JMJD1C: variants seen among roughly 807,000 people sequenced by gnomAD.
The protein encoded by JMJD1C is jumonji domain-containing protein 1C.
A neutral mutation model predicts 245.3 loss-of-function variants in JMJD1C; 31 were observed. The ratio of observed to expected loss-of-function variants is 0.13; its 90% confidence interval spans 0.09 to 0.17. The LOEUF is 0.17. JMJD1C is among the 10% of genes least tolerant of loss of function. JMJD1C has a pLI of 1.00. For missense variants in JMJD1C, 2,691 were observed against 3,000.2 expected (o/e 0.90, Z 2.41); for synonymous variants, 1,057 against 1,017.4 (o/e 1.04, Z -0.74).
chr10:63,507,435 G>C (rs1032784172), intron 1 of JMJD1C, among the ~76,000 whole-genome samples: 5 of 151,996 alleles, frequency 3.3e-5, no homozygotes, highest in African/African-American at 4.8e-5. Context: ...CCGGAAGTCA[G>C]GAGATCGAGA....
intron 3 of JMJD1C, chr10:63,222,407 G>A: frequency 1.0e-6 from 1 of 957,522 alleles, no homozygotes; most frequent in Non-Finnish European, 1.7e-6. Context: ...TGGTAAATTT[G>A]AAAAGAATAA....
chr10:63,196,955 C>T (rs987690185), intron 13 of JMJD1C, among the ~76,000 whole-genome samples: 2 of 151,890 alleles, frequency 1.3e-5, no homozygotes, highest in Non-Finnish European at 2.9e-5. Context: ...CACCACCATG[C>T]GCAGCTCATT....
chr10:63,396,008 C>A (rs976690246), intron 1 of JMJD1C, among the ~76,000 whole-genome samples: 6 of 151,884 alleles, frequency 4.0e-5, no homozygotes, highest in African/African-American at 1.4e-4. Context: ...TCTTAATCGT[C>A]GAAATGGTTA....
At chr10:63,331,747 G>C (rs889799750) in intron 2 of JMJD1C, among the ~76,000 whole-genome samples, 2 of 152,046 alleles carry the variant, frequency 1.3e-5, no homozygotes, top group African/African-American at 4.8e-5. Flanking sequence ...CAAGAAGCTG[G>C]GACCACACCA....
intron 1 of JMJD1C, among the ~76,000 whole-genome samples, chr10:63,505,804 G>A (rs192451915): frequency 1.3e-5 from 2 of 148,866 alleles, no homozygotes; most frequent in Non-Finnish European, 3.0e-5. Context: ...ATACTAGATA[G>A]CCCTCCTCCC....
intron 1 of JMJD1C, among the ~76,000 whole-genome samples, chr10:63,401,215 T>C (rs1404721139): frequency 1.3e-5 from 2 of 152,198 alleles, no homozygotes; most frequent in Non-Finnish European, 2.9e-5. Context: ...CTCTATTCTT[T>C]TCTATTATAA....
chr10:63,323,423 G>A (rs1364977933), intron 2 of JMJD1C, among the ~76,000 whole-genome samples: 2 of 98,788 alleles, frequency 2.0e-5, no homozygotes, highest in African/African-American at 5.5e-5. Context: ...GGGAGGGTGA[G>A]GCAGAAGAAT....
At chr10:63,494,311 C>CAA (rs1040052739) in intron 1 of JMJD1C, among the ~76,000 whole-genome samples, 1 of 112,334 alleles carries the variant, frequency 8.9e-6, no homozygotes, top group Non-Finnish European at 1.9e-5. Flanking sequence ...AACTCCGTCT[C>CAA]AAAAAAAAAA....
At chr10:63,500,407 G>GGTGA (rs763742376) in intron 1 of JMJD1C, among the ~76,000 whole-genome samples, 5 of 150,576 alleles carry the variant, frequency 3.3e-5, no homozygotes, top group Non-Finnish European at 7.4e-5. Context: ...TGGGCAACAG[G>GGTGA]GTGAGACCCT....
intron 2 of JMJD1C, among the ~76,000 whole-genome samples, chr10:63,331,996 A>T (rs1456987418): frequency 6.6e-6 from 1 of 152,236 alleles, no homozygotes; most frequent in Non-Finnish European, 1.5e-5. Context: ...CTACATGCTC[A>T]GAAAGTAACT....
chr10:63,285,212 T>C (rs543589943), intron 2 of JMJD1C, among the ~76,000 whole-genome samples: 1 of 152,238 alleles, frequency 6.6e-6, no homozygotes, highest in Admixed American at 6.5e-5. Context: ...AGAAAAAGCA[T>C]TAATGACTTA....
intron 1 of JMJD1C, among the ~76,000 whole-genome samples, chr10:63,429,789 A>T (rs1176504824): frequency 6.6e-6 from 1 of 152,232 alleles, no homozygotes; most frequent in African/African-American, 2.4e-5. Flanking sequence ...ACAAATAAGA[A>T]GGTTTATGAT....
chr10:63,350,616 CTTTTTT>C (rs71025164), intron 2 of JMJD1C, among the ~76,000 whole-genome samples: 1 of 119,384 alleles, frequency 8.4e-6, no homozygotes, highest in Non-Finnish European at 1.8e-5. Context: ...GCAGAACCAA[CTTTTTT>C]TTTTTTTTTT....
At chr10:63,283,575 T>C (rs1461777066) in intron 2 of JMJD1C, among the ~76,000 whole-genome samples, 2 of 151,616 alleles carry the variant, frequency 1.3e-5, no homozygotes, top group African/African-American at 4.9e-5. Flanking sequence ...ACCATGTTGG[T>C]CAGGCTGGTC....
intron 3 of JMJD1C, among the ~76,000 whole-genome samples, chr10:63,241,821 G>A (rs977215657): frequency 2.0e-5 from 3 of 152,104 alleles, no homozygotes; most frequent in Admixed American, 6.6e-5. Flanking sequence ...GTTTTGTTTT[G>A]TTCATGGCTG....
Position 63,215,078 on chromosome 10 carries a change from A to G in JMJD1C, c.1089T>C (p.Asn363=). 3 of 1,596,518 alleles carry G rather than the reference A, an allele frequency of 1.9e-6. No homozygotes were observed. The highest frequency in any genetic ancestry group is 2.6e-6 in the Non-Finnish European group (3 of 1,175,450). Residue 363 remains asparagine, a synonymous_variant, in exon 8 of 26, where the codon AAT becomes AAC. Coordinates refer to ENST00000399262, the MANE Select transcript of JMJD1C (RefSeq NM_032776.3). The part of the protein sequence containing the change: ...RKPEEDEKKL[N]MKRLRTDNVS... ...CATTGTCAGTTCGAAGTCTTTTCAT[A>G]TTTAGTTTCTTTTCATCCTCCTCAG... is the stretch of plus-strand genomic sequence containing the variant.
intron 1 of JMJD1C, among the ~76,000 whole-genome samples, chr10:63,453,785 T>C (rs917184893): frequency 2.6e-5 from 4 of 152,280 alleles, no homozygotes; most frequent in South Asian, 2.1e-4. Context: ...GTTGCCCAGG[T>C]TGAAGGACAG....
chr10:63,247,243 T>C (rs1032459404), intron 3 of JMJD1C, among the ~76,000 whole-genome samples: 3 of 150,828 alleles, frequency 2.0e-5, no homozygotes, highest in East Asian at 1.9e-4. Flanking sequence ...CCAAATAAAT[T>C]AGAAATGGAA....
chr10:63,382,232 A>G (rs1215366325), intron 1 of JMJD1C, among the ~76,000 whole-genome samples: 1 of 152,164 alleles, frequency 6.6e-6, no homozygotes, highest in East Asian at 1.9e-4. Flanking sequence ...AAGAGAGTAA[A>G]TAGTAAATAC....
Sources: gnomAD v4.1 joint callset for allele counts (sites outside exome capture counted in the v4.1 genomes callset) on GRCh38, gnomAD v4.1.1 for gene constraint, MANE v1.5 for transcripts, NCBI Gene and HGNC (gene_info 2026-07-23, HGNC 2026-07-21) for gene names.